LEMD3: variants seen among roughly 807,000 people sequenced by gnomAD.
LEMD3 encodes the protein LEM domain containing 3, also known as inner nuclear membrane protein Man1.
In LEMD3, 33 loss-of-function variants were observed where a neutral mutation model predicts 95.2. The observed-to-expected ratio is 0.35, with a 90% CI of 0.26 to 0.46. The LOEUF is 0.46. Among genes scored for constraint, LEMD3 ranks in the 20% least tolerant of loss-of-function variants. LEMD3 has a pLI of 1.00. For missense variants in LEMD3, 1,210 were observed against 1,192.8 expected, an observed-to-expected ratio of 1.01 and a Z score of -0.21; for synonymous variants, 525 against 474.6, an observed-to-expected ratio of 1.11 and a Z score of -1.38.
chr12:65,231,136 A>C (rs1033659242), intron 4 of LEMD3, among the ~76,000 whole-genome samples: 3 of 152,076 alleles, frequency 2.0e-5, no homozygotes, highest in African/African-American at 7.2e-5. Flanking sequence ...TAAAATGTTA[A>C]TACTCTTTTT....
At chr12:65,189,998 G>T (rs1328092160) in intron 1 of LEMD3, among the ~76,000 whole-genome samples, 1 of 152,098 alleles carries the variant, frequency 6.6e-6, no homozygotes, top group Non-Finnish European at 1.5e-5. Context: ...AACCCTTAAA[G>T]CCTCGTACCA....
At chr12:65,189,018 C>T (rs1869154771) in intron 1 of LEMD3, among the ~76,000 whole-genome samples, 1 of 152,088 alleles carries the variant, frequency 6.6e-6, no homozygotes, top group Admixed American at 6.6e-5. Flanking sequence ...TACTATCAAA[C>T]CCTATATATA....
In LEMD3 at chr12:65,170,922, C is replaced by T; in HGVS notation, c.1326C>T (p.Asn442=). 1.2e-6 allele frequency: 2 copies of T among 1,614,224 alleles called. No individual in the cohort carries two copies. Among genetic ancestry groups the T allele is most frequent in the Non-Finnish European group, 1.7e-6 (2 of 1,180,038 alleles). ...ATACCTACCTGAAAAACACATACAA[C>T]AAACCGAAGCTTTCCGAACCCGAAG... ...SNHTYLKNTY[N]KPKLSEPEEE... Residue 442 remains asparagine, a synonymous_variant, in exon 1 of 13, where the codon AAC becomes AAT. Coordinates refer to ENST00000308330, the MANE Select transcript of LEMD3 (RefSeq NM_014319.5).
chr12:65,206,852 A>C (rs945779491), intron 1 of LEMD3, among the ~76,000 whole-genome samples: 1 of 152,142 alleles, frequency 6.6e-6, no homozygotes, highest in Non-Finnish European at 1.5e-5. Flanking sequence ...TAACCAAATT[A>C]ATGATTCAAA....
At position 65,169,800 on chromosome 12, in the gene LEMD3, C is replaced by T. The variant is rs1435163829; in HGVS notation, c.204C>T (p.Asn68=). The T allele has an allele frequency of 6.5e-7, 1 of 1,529,164 alleles. No homozygotes were observed. Among genetic ancestry groups the T allele is most frequent in the East Asian group, 2.4e-5 (1 of 41,622 alleles). The allele number at this position is 1,529,164 out of a possible 1,614,324, so 94.7% of individuals were successfully genotyped here. ...GRGNKTRNSN[N]NNTAAATVAA... is the part of the protein sequence containing the mutation. ...GCAACAAGACGCGGAACAGTAATAA[C>T]AATAACACGGCAGCCGCCACGGTCG... The change falls in exon 1 of 13, where the codon AAC becomes AAT. Residue 68 remains asparagine (N), a synonymous_variant. Transcript: ENST00000308330.
chr12:65,176,417 C>G (rs958681280), intron 1 of LEMD3, among the ~76,000 whole-genome samples: 5 of 152,156 alleles, frequency 3.3e-5, no homozygotes, highest in Non-Finnish European at 5.9e-5. Flanking sequence ...TATTTTGTAA[C>G]TGTGATTCAT....
chr12:65,221,146 T>C (rs1870273423), intron 4 of LEMD3, among the ~76,000 whole-genome samples: 1 of 151,418 alleles, frequency 6.6e-6, no homozygotes, highest in Non-Finnish European at 1.5e-5. Flanking sequence ...ATGAGATGTC[T>C]TTCTATTTAT....
At chr12:65,177,127 CTAAA>C (rs1355451202) in intron 1 of LEMD3, among the ~76,000 whole-genome samples, 1 of 152,124 alleles carries the variant, frequency 6.6e-6, no homozygotes. Flanking sequence ...ATCAAAAGTT[CTAAA>C]TTCAACATTT....
chr12:65,210,107 T>G (rs1442751537), intron 1 of LEMD3, among the ~76,000 whole-genome samples: 3 of 132,822 alleles, frequency 2.3e-5, no homozygotes, highest in African/African-American at 9.2e-5. Context: ...TAAACATTTT[T>G]GTATCTTAAT....
chr12:65,182,802 T>G (rs1868945551), intron 1 of LEMD3, among the ~76,000 whole-genome samples: 1 of 152,164 alleles, frequency 6.6e-6, no homozygotes, highest in Non-Finnish European at 1.5e-5. Flanking sequence ...GGATGGGTCT[T>G]GGAGTAAGCT....
Position 65,170,180 on chromosome 12 carries a change from C to T in LEMD3, c.584C>T (p.Ser195Leu). 6 of 1,498,050 alleles carry T rather than the reference C, an allele frequency of 4.0e-6. No individual in the cohort carries two copies. The highest frequency in any genetic ancestry group is 5.3e-6 in the Non-Finnish European group (6 of 1,126,600). The allele number at this position is 1,498,050 out of a possible 1,614,324, so 92.8% of individuals were successfully genotyped here. A position where few individuals can be genotyped will look rare whatever the true frequency, so the allele number is the denominator to read the frequency against. ...SNSAERRKPHSWWGARRPAGP... is the reference protein window; with the variant it reads ...SNSAERRKPHLWWGARRPAGP... ...TCTGCAGAGCGAAGGAAGCCCCACT[C>T]GTGGTGGGGGGCCAGGAGGCCGGCG... The change falls in exon 1 of 13, where the codon TCG (serine) becomes TTG (leucine). Residue 195 changes from serine to leucine, a missense_variant. Coordinates refer to ENST00000308330, the MANE Select transcript of LEMD3 (RefSeq NM_014319.5).
At chr12:65,177,197 A>G (rs1313409653) in intron 1 of LEMD3, among the ~76,000 whole-genome samples, 6 of 152,210 alleles carry the variant, frequency 3.9e-5, no homozygotes, top group African/African-American at 1.4e-4. Context: ...AAAGCAGAGG[A>G]CAAGCATGAT....
chr12:65,226,521 A>G (rs564592881), intron 4 of LEMD3, among the ~76,000 whole-genome samples: 4 of 152,282 alleles, frequency 2.6e-5, no homozygotes, highest in African/African-American at 9.6e-5. Flanking sequence ...AGAATGTAGT[A>G]TATGTTTTAA....
chr12:65,178,151 T>A (rs1282319978), intron 1 of LEMD3, among the ~76,000 whole-genome samples: 1 of 151,880 alleles, frequency 6.6e-6, no homozygotes, highest in African/African-American at 2.4e-5. Context: ...CGGCCTATTC[T>A]CTCATTCTTG....
intron 4 of LEMD3, among the ~76,000 whole-genome samples, chr12:65,237,882 G>A (rs1171763419): frequency 1.3e-5 from 2 of 152,190 alleles, no homozygotes; most frequent in Non-Finnish European, 2.9e-5. Flanking sequence ...ATCTGGAAGA[G>A]TTTGCCATTT....
At chr12:65,225,449 T>A (rs1870418473) in intron 4 of LEMD3, among the ~76,000 whole-genome samples, 1 of 152,228 alleles carries the variant, frequency 6.6e-6, no homozygotes, top group Non-Finnish European at 1.5e-5. Context: ...TCTGGATTTT[T>A]GCCTGTGAAT....
At chr12:65,217,501 A>G (rs1870145978) in intron 3 of LEMD3, among the ~76,000 whole-genome samples, 1 of 152,184 alleles carries the variant, frequency 6.6e-6, no homozygotes, top group South Asian at 2.1e-4. Flanking sequence ...AAATGAGAAC[A>G]TGGCTGCTTT....
rs1005156269 is a variant in LEMD3, at chr12:65,247,063, G to A, written c.*738G>A. Reference sequence around the variant, plus strand: ...ATAGATGTATATATATACACACACAGAGATATATACATATGGCTGTACTTT... The same window carrying A: ...ATAGATGTATATATATACACACACAAAGATATATACATATGGCTGTACTTT... On this transcript the variant is annotated 3_prime_UTR_variant, in exon 13 of 13. Coordinates refer to ENST00000308330, the MANE Select transcript of LEMD3 (RefSeq NM_014319.5). 1.3e-5 allele frequency: 2 copies of A among 152,588 alleles called. No homozygotes were observed. Among genetic ancestry groups the A allele is most frequent in the Middle Eastern group, 3.4e-3 (1 of 294 alleles). 9.5% of individuals were successfully genotyped at this position (152,588 alleles called of 1,614,324 possible). A position where few individuals can be genotyped will look rare whatever the true frequency, so the allele number is the denominator to read the frequency against.
chr12:65,246,428 T>G lies in LEMD3; in HGVS notation c.*103T>G. On this transcript the variant is annotated 3_prime_UTR_variant, in exon 13 of 13. Transcript: ENST00000308330. Reference sequence around the variant, plus strand: ...TGCTTTTTGTATGTAATATTTTTATTGATGAATACATCTCTGAACGTTCCA... The same window carrying G: ...TGCTTTTTGTATGTAATATTTTTATGGATGAATACATCTCTGAACGTTCCA... 4.4e-6 allele frequency: 4 copies of G among 916,122 alleles called. No homozygotes were observed. Among genetic ancestry groups the G allele is most frequent in the Non-Finnish European group, 7.1e-6 (4 of 562,786 alleles). The allele number at this position is 916,122 out of a possible 1,614,324, so 56.7% of individuals were successfully genotyped here.
Sources: allele counts gnomAD v4.1 joint callset (sites outside exome capture counted in the v4.1 genomes callset), GRCh38; gene constraint gnomAD v4.1.1; transcripts MANE v1.5; gene names NCBI Gene and HGNC (gene_info 2026-07-23, HGNC 2026-07-21).